Variants in PKD1L1 observed in about 807,000 individuals in gnomAD.
PKD1L1 encodes polycystin-1-like protein 1.
A neutral mutation model predicts 323.4 loss-of-function variants in PKD1L1; 236 were observed. The ratio of observed to expected loss-of-function variants is 0.73; its 90% CI spans 0.66 to 0.81. PKD1L1 has a LOEUF of 0.81. Ranked by LOEUF, PKD1L1 falls within the 40% of genes least tolerant of loss-of-function variation. PKD1L1 has a pLI of 0.00. For missense variants in PKD1L1, 3,320 were observed against 3,508.0 expected (o/e 0.95, Z 1.35); for synonymous variants, 1,344 against 1,335.0 (o/e 1.01, Z -0.15).
intron 8 of PKD1L1, among the ~76,000 whole-genome samples, chr7:47,910,956 T>C (rs1431800099): frequency 6.6e-6 from 1 of 151,912 alleles, no homozygotes; most frequent in East Asian, 1.9e-4. Context: ...AGTGCTGGGA[T>C]TACAGGCATG....
intron 9 of PKD1L1, among the ~76,000 whole-genome samples, chr7:47,907,433 A>G (rs548919203): frequency 4.5e-4 from 68 of 152,214 alleles, no homozygotes; most frequent in African/African-American, 7.5e-4. Flanking sequence ...CCCACCCCCA[A>G]TGGCCTCTGA....
At chr7:47,801,896 A>G (rs1784670311) in intron 53 of PKD1L1, among the ~76,000 whole-genome samples, 1 of 152,262 alleles carries the variant, frequency 6.6e-6, no homozygotes, top group African/African-American at 2.4e-5. Flanking sequence ...TTTTCCTTAC[A>G]TAAAAGCATT....
chr7:47,935,665 T>C lies in PKD1L1; in HGVS notation c.398+1181A>G, dbSNP rs570986711. Among the ~76,000 whole-genome samples the C allele has an allele frequency of 5.3e-5, 8 of 152,330 alleles. No individual in the cohort carries two copies. The South Asian group carries it at 8.3e-4, about 16-fold the overall frequency. ...CTAGGGGCTGAATCATGTGCGTCCA[T>C]TGGCACAGGTTGGACTTGGCCCGTG... On this transcript the variant is annotated intron_variant, in intron 4 of 56. Coordinates refer to ENST00000289672, the MANE Select transcript of PKD1L1 (RefSeq NM_138295.5).
At chr7:47,953,642 G>A in the PKD1L1 span, among the ~76,000 whole-genome samples, 21 of 152,300 alleles carry the variant, frequency 1.4e-4, no homozygotes, top group East Asian at 3.5e-3. Flanking sequence ...GAATCACACT[G>A]GGCATTTCTT....
intron 12 of PKD1L1, among the ~76,000 whole-genome samples, chr7:47,902,751 C>T (rs898587548): frequency 7.2e-5 from 11 of 152,214 alleles, no homozygotes; most frequent in African/African-American, 2.4e-4. Context: ...ACTCCCAGAC[C>T]GATGTCACAT....
At chr7:47,882,126 A>G (rs1786570408) in intron 19 of PKD1L1, 41 bp from the exon 20 acceptor site, 10 of 1,594,674 alleles carry the variant, frequency 6.3e-6, no homozygotes, top group Non-Finnish European at 7.7e-6. Flanking sequence ...AAAGAAAAAA[A>G]GTCATGATGA....
In PKD1L1 at chr7:47,880,284, A is replaced by ATT. The variant is rs35198089; in HGVS notation, c.3520+442_3520+443dup. Among the ~76,000 whole-genome samples the ATT allele has an allele frequency of 4.2e-3, 240 of 56,718 alleles. 3 individuals are homozygous for ATT. Among genetic ancestry groups the ATT allele is most frequent in the East Asian group, 0.012 (32 of 2,702 alleles). 37.2% of individuals were successfully genotyped at this position (56,718 alleles called of 152,430 possible). ...TATATACATATATATATATATATAT[A>ATT]TTTTTTTTTTTTTTTTTGAGACAGT... On this transcript the variant is annotated intron_variant, in intron 21 of 56. Coordinates refer to ENST00000289672, the MANE Select transcript of PKD1L1 (RefSeq NM_138295.5).
At chr7:47,937,253 TGGGGGTGG>T (rs1312691536) in intron 3 of PKD1L1, among the ~76,000 whole-genome samples, 3 of 2,480 alleles carry the variant, frequency 1.2e-3, no homozygotes, top group Admixed American at 4.5e-3. Context: ...CGGGACGGGG[TGGGGGTGG>T]GGGGGGGGGG....
intron 7 of PKD1L1, among the ~76,000 whole-genome samples, chr7:47,919,091 C>T (rs1038844768): frequency 1.3e-5 from 2 of 151,958 alleles, no homozygotes; most frequent in African/African-American, 4.8e-5. Flanking sequence ...AAAGCTGGTT[C>T]TTTGAAAAAA....
chr7:47,932,021 G>C lies in PKD1L1; in HGVS notation c.434C>G (p.Ala145Gly). 1 of 1,613,686 alleles carries C rather than the reference G, an allele frequency of 6.2e-7. No homozygotes were observed. Among genetic ancestry groups the C allele is most frequent in the Non-Finnish European group, 8.5e-7 (1 of 1,179,712 alleles). Residue 145 changes from alanine to glycine, a missense_variant, in exon 5 of 57, where the codon GCC becomes GGC. Physicochemically the swap from Ala to Gly is moderately conservative, Grantham distance 60. Transcript: ENST00000289672. ...PHKPFIIIAR[A>G]WSSGGPRFHH... ...GAACCTGGGGCCACCACTGCTCCAG[G>C]CCCTTGCGATTATAATGAAAGGTTT...
At chr7:47,885,640 T>G in intron 18 of PKD1L1, 46 bp downstream of exon 18, 1 of 1,563,302 alleles carries the variant, frequency 6.4e-7, no homozygotes. Context: ...AAGGTAACTT[T>G]GGTGCCTAGA....
chr7:47,922,679 T>C (rs1429637750), intron 7 of PKD1L1, among the ~76,000 whole-genome samples: 3 of 148,412 alleles, frequency 2.0e-5, no homozygotes, highest in South Asian at 2.2e-4. Context: ...GCCCGGCAGC[T>C]GCCCCGTCTG....
At chr7:47,803,645 C>G (rs947439519) in intron 52 of PKD1L1, among the ~76,000 whole-genome samples, 5 of 152,164 alleles carry the variant, frequency 3.3e-5, no homozygotes, top group Admixed American at 6.5e-5. Flanking sequence ...CTGTCCACCC[C>G]ACGTCTGTTC....
intron 56 of PKD1L1, among the ~76,000 whole-genome samples, chr7:47,791,964 A>AGGG (rs1433011569): frequency 6.6e-6 from 1 of 152,168 alleles, no homozygotes; most frequent in African/African-American, 2.4e-5. Context: ...ATAGTTTGCA[A>AGGG]GTAGTGTGAC....
At position 47,842,988 on chromosome 7, in the gene PKD1L1, G is replaced by A. The variant is rs1464490636; in HGVS notation, c.5419C>T (p.Arg1807Ter). 6 of 1,613,568 alleles carry A rather than the reference G, an allele frequency of 3.7e-6. No individual in the cohort carries two copies. The highest frequency in any genetic ancestry group is 1.3e-5 in the African/African-American group (1 of 74,894). ...LYAVVIDTGF[R>*]APARLTSKVY... Reference sequence around the variant, plus strand: ...TTTGAGGTCAACCTGGCCGGAGCTCGGAAGCCAGTGTCAATGACGACCGCA... The same window carrying A: ...TTTGAGGTCAACCTGGCCGGAGCTCAGAAGCCAGTGTCAATGACGACCGCA... The change falls in exon 34 of 57, where the codon CGA becomes TGA. Residue 1807 changes from arginine to a stop codon, truncating the protein, a stop_gained. Transcript: ENST00000289672. LOFTEE classifies it high-confidence loss of function.
chr7:47,807,740 G>T (rs957149048), intron 52 of PKD1L1, among the ~76,000 whole-genome samples: 2 of 152,166 alleles, frequency 1.3e-5, no homozygotes, highest in African/African-American at 4.8e-5. Flanking sequence ...CATCCCTGTG[G>T]GGAACCATTC....
intron 7 of PKD1L1, among the ~76,000 whole-genome samples, chr7:47,928,229 G>A (rs973512070): frequency 3.3e-5 from 5 of 151,620 alleles, no homozygotes; most frequent in African/African-American, 1.2e-4. Context: ...GAATGTGGGA[G>A]TTTACACCAT....
At chr7:47,933,308 C>T (rs928632504) in intron 4 of PKD1L1, among the ~76,000 whole-genome samples, 3 of 152,156 alleles carry the variant, frequency 2.0e-5, no homozygotes, top group African/African-American at 4.8e-5. Flanking sequence ...TGTAAACCAA[C>T]GAGAATTCCT....
At chr7:47,958,503 A>G in the PKD1L1 span, among the ~76,000 whole-genome samples, 1 of 152,236 alleles carries the variant, frequency 6.6e-6, no homozygotes, top group Non-Finnish European at 1.5e-5. Flanking sequence ...GAAACACAGG[A>G]GAAATGCTTC....
Sources: allele counts gnomAD v4.1 joint callset (sites outside exome capture counted in the v4.1 genomes callset), GRCh38; gene constraint gnomAD v4.1.1; transcripts MANE v1.5; gene names NCBI Gene and HGNC (gene_info 2026-07-23, HGNC 2026-07-21).